The following COL23A1 variants were observed in gnomAD, a reference collection of about 807,000 sequenced individuals.
The protein encoded by COL23A1 is collagen type XXIII alpha 1 chain.
Under a neutral mutation model 99.3 loss-of-function variants are expected in COL23A1, and 97 were observed. The observed-to-expected ratio is 0.98, with a 90% CI of 0.83 to 1.16. COL23A1 has a LOEUF of 1.16. Among genes scored for constraint, COL23A1 ranks in the 50% most tolerant of loss-of-function variants. COL23A1 has a pLI of 0.00. For synonymous variants in COL23A1, 320 were observed against 308.2 expected, an observed-to-expected ratio of 1.04 and a Z score of -0.40; for missense variants, 762 against 757.4, an observed-to-expected ratio of 1.01 and a Z score of -0.07.
chr5:178,247,761 C>T lies in COL23A1; in HGVS notation c.1269+14G>A. Reference sequence around the variant, plus strand: ...CTGGCTGCTTCAAACCAAACCAAAGCAAACCGTCCTTACCATCGGGCCTGG... The same window carrying T: ...CTGGCTGCTTCAAACCAAACCAAAGTAAACCGTCCTTACCATCGGGCCTGG... On this transcript the variant is annotated intron_variant, in intron 21 of 28. Coordinates refer to ENST00000390654, the MANE Select transcript of COL23A1 (RefSeq NM_173465.4). 1 of 1,613,096 alleles carries T rather than the reference C, an allele frequency of 6.2e-7. No individual in the cohort carries two copies. The highest frequency in any genetic ancestry group is 1.3e-5 in the African/African-American group (1 of 75,020).
intron 5 of COL23A1, among the ~76,000 whole-genome samples, chr5:178,286,749 G>T (rs890566508): frequency 3.9e-5 from 6 of 152,222 alleles, no homozygotes; most frequent in African/African-American, 1.4e-4. Flanking sequence ...CCTGGCACCT[G>T]CTCTGGTGTG....
intron 1 of COL23A1, among the ~76,000 whole-genome samples, chr5:178,585,515 C>CAGCCCTG (rs1562114820): frequency 2.8e-5 from 4 of 144,680 alleles, no homozygotes; most frequent in African/African-American, 8.2e-5. Context: ...TAACACTCCA[C>CAGCCCTG]GTCCCTGGAT....
chr5:178,541,933 G>C (rs1420278320), intron 2 of COL23A1, among the ~76,000 whole-genome samples: 2 of 152,218 alleles, frequency 1.3e-5, no homozygotes, highest in Non-Finnish European at 2.9e-5. Flanking sequence ...AGGGGAGTCT[G>C]TGGGGGTCTG....
At chr5:178,376,976 G>A (rs904813920) in intron 2 of COL23A1, among the ~76,000 whole-genome samples, 14 of 152,088 alleles carry the variant, frequency 9.2e-5, no homozygotes, top group Admixed American at 6.6e-5. Flanking sequence ...CCCTCCCCTC[G>A]GCACACCAGG....
intron 2 of COL23A1, among the ~76,000 whole-genome samples, chr5:178,509,799 T>C (rs535792722): frequency 6.6e-6 from 1 of 152,320 alleles, no homozygotes; most frequent in Admixed American, 6.5e-5. Context: ...CTTAAACAAC[T>C]GTACACTGGA....
rs1766722555 is a variant in COL23A1, at chr5:178,439,094, C to T, written c.361+121588G>A. On this transcript the variant is annotated intron_variant, in intron 2 of 28. Transcript: ENST00000390654. This position sits in a 1 kb window ranked among gnomAD's most constrained non-coding sequence, Gnocchi z 4.2. ...CAGGCTGTGCGCAGATCAGTTACAT[C>T]AGGACCCAGCCAGCAGATTTTAAAG... 2.0e-5 allele frequency: 3 copies of T among 152,240 alleles called. 1 individual carries two copies. The highest frequency in any genetic ancestry group is 7.2e-5 in the African/African-American group (3 of 41,444). 9.4% of individuals were successfully genotyped at this position (152,240 alleles called of 1,614,324 possible). A position where few individuals can be genotyped will look rare whatever the true frequency, so the allele number is the denominator to read the frequency against.
intron 2 of COL23A1, among the ~76,000 whole-genome samples, chr5:178,522,455 T>C (rs1364308419): frequency 6.6e-6 from 1 of 151,980 alleles, no homozygotes; most frequent in Non-Finnish European, 1.5e-5. Context: ...TCGCCACGCT[T>C]CCCCATTCAG....
Position 178,251,925 on chromosome 5 carries a change from T to TTA in COL23A1, c.1014+618_1014+619insTA, listed in dbSNP as rs1554125608. On this transcript the variant is annotated intron_variant, in intron 17 of 28. Transcript: ENST00000390654. ...TTTTCTTTTCTTTTTTTTTTTTTTT[T>TTA]ATTTTGAGACAGAGTTTTGCTCTTG... Among the ~76,000 whole-genome samples the TTA allele has an allele frequency of 3.7e-4, 53 of 142,862 alleles. 1 individual carries two copies. The highest frequency in any genetic ancestry group is 6.1e-4 in the African/African-American group (24 of 39,340). The allele number at this position is 142,862 out of a possible 152,430, so 93.7% of individuals were successfully genotyped here. A position where few individuals can be genotyped will look rare whatever the true frequency, so the allele number is the denominator to read the frequency against.
chr5:178,443,638 C>T (rs1438974492), intron 2 of COL23A1, among the ~76,000 whole-genome samples: 10 of 130,006 alleles, frequency 7.7e-5, no homozygotes, highest in East Asian at 6.8e-4. Context: ...TTTTTTTTTT[C>T]GTACAGACGG....
chr5:178,498,892 C>T (rs1286645571), intron 2 of COL23A1, among the ~76,000 whole-genome samples: 4 of 151,232 alleles, frequency 2.6e-5, no homozygotes, highest in Admixed American at 2.6e-4. Context: ...GAGTTCAAGA[C>T]CATCCTGGCC....
chr5:178,537,837 G>GT (rs1761065015), intron 2 of COL23A1, among the ~76,000 whole-genome samples: 3 of 152,226 alleles, frequency 2.0e-5, no homozygotes, highest in Admixed American at 1.3e-4. Flanking sequence ...CTCAGTGGCG[G>GT]TAAGTACATT....
chr5:178,534,024 A>C (rs1475958478), intron 2 of COL23A1, among the ~76,000 whole-genome samples: 1 of 152,152 alleles, frequency 6.6e-6, no homozygotes, highest in Non-Finnish European at 1.5e-5. Context: ...CCTGCCTCCC[A>C]CAGGCTACAA....
chr5:178,547,447 A>G (rs1761646837), intron 2 of COL23A1, among the ~76,000 whole-genome samples: 1 of 149,982 alleles, frequency 6.7e-6, no homozygotes, highest in Non-Finnish European at 1.5e-5. Context: ...CTCTTTATGC[A>G]TGCACGTGTG....
chr5:178,580,052 G>A (rs1763581892), intron 1 of COL23A1, among the ~76,000 whole-genome samples: 1 of 152,128 alleles, frequency 6.6e-6, no homozygotes, highest in Non-Finnish European at 1.5e-5. Context: ...ATGAGGCCGG[G>A]CATGGTGGCT....
intron 5 of COL23A1, among the ~76,000 whole-genome samples, chr5:178,282,873 C>CT (rs138374899): frequency 0.082 from 12,176 of 148,672 alleles, 658 homozygotes; most frequent in African/African-American, 0.15. Context: ...TTTCTTTTTT[C>CT]TTTTTTTTTT....
intron 2 of COL23A1, among the ~76,000 whole-genome samples, chr5:178,322,023 T>C (rs10053339): frequency 0.39 from 58,702 of 150,150 alleles, 12,667 homozygotes; most frequent in African/African-American, 0.57. Context: ...GACGGAGTCT[T>C]GCTCTGTCAC....
intron 2 of COL23A1, among the ~76,000 whole-genome samples, chr5:178,490,758 C>G (rs1474867818): frequency 6.6e-6 from 1 of 152,090 alleles, no homozygotes; most frequent in Non-Finnish European, 1.5e-5. Flanking sequence ...GCCTGGGTGA[C>G]ACAGCGAGAC....
Position 178,253,344 on chromosome 5 carries a change from C to T in COL23A1, c.961-747G>A, listed in dbSNP as rs139362308. Reference sequence around the variant, plus strand: ...TGTCCCATTGAGATGTCCCTGGCCTCCATCTTATCTACCCTCCCCCAGGCC... The same window carrying T: ...TGTCCCATTGAGATGTCCCTGGCCTTCATCTTATCTACCCTCCCCCAGGCC... On this transcript the variant is annotated intron_variant, in intron 16 of 28. Coordinates refer to ENST00000390654, the MANE Select transcript of COL23A1 (RefSeq NM_173465.4). Among the ~76,000 whole-genome samples the T allele has an allele frequency of 5.7e-4, 86 of 151,756 alleles. No individual in the cohort carries two copies. In the Middle Eastern group the frequency reaches 0.031, roughly 54 times the overall value.
intron 2 of COL23A1, among the ~76,000 whole-genome samples, chr5:178,539,993 G>GA (rs1761202431): frequency 6.6e-6 from 1 of 152,064 alleles, no homozygotes; most frequent in Non-Finnish European, 1.5e-5. Context: ...TGTTTTGACA[G>GA]AAAAAAGGGG....
Sources: allele counts gnomAD v4.1 joint callset (sites outside exome capture counted in the v4.1 genomes callset), GRCh38; gene constraint gnomAD v4.1.1; non-coding constraint Gnocchi (gnomAD v3.1); transcripts MANE v1.5; gene names NCBI Gene and HGNC (gene_info 2026-07-23, HGNC 2026-07-21).